FAM228B: variants seen among roughly 807,000 people sequenced by gnomAD.
FAM228B encodes the protein family with sequence similarity 228 member B.
Under a neutral mutation model 42.6 loss-of-function variants are expected in FAM228B, and 38 were observed. That is an observed-to-expected ratio of 0.89 (90% CI 0.69 to 1.17). The LOEUF is 1.17. FAM228B is among the 50% of genes most tolerant of loss of function. The pLI, the probability that FAM228B is intolerant of heterozygous loss-of-function variation, is 0.00. For synonymous variants in FAM228B, 109 were observed against 122.3 expected, an observed-to-expected ratio of 0.89 and a Z score of 0.72; for missense variants, 344 against 367.3, an observed-to-expected ratio of 0.94 and a Z score of 0.52.
intron 3 of FAM228B, among the ~76,000 whole-genome samples, chr2:24,117,014 ATTTTTT>A (rs58867611): frequency 1.1e-4 from 15 of 131,928 alleles, no homozygotes; most frequent in African/African-American, 4.2e-4. Flanking sequence ...ACAATCCTGC[ATTTTTT>A]TTTTTTTTTT....
At chr2:24,117,085 G>A (rs1380927727) in intron 3 of FAM228B, among the ~76,000 whole-genome samples, 1 of 145,010 alleles carries the variant, frequency 6.9e-6, no homozygotes, top group Admixed American at 7.1e-5. Context: ...GCACGATCTC[G>A]GCTCACCGCA....
chr2:24,140,570 TA>T (rs1666719139), intron 5 of FAM228B, among the ~76,000 whole-genome samples: 3 of 152,228 alleles, frequency 2.0e-5, no homozygotes, highest in Non-Finnish European at 4.4e-5. Flanking sequence ...CAGTTTTTTC[TA>T]AGTAAGAAAC....
At chr2:24,115,699 A>C in intron 3 of FAM228B, 1 of 1,437,422 alleles carries the variant, frequency 7.0e-7, no homozygotes, top group Non-Finnish European at 9.7e-7. Context: ...TTCCACAAAC[A>C]TTGCCAGGTG....
rs1173571067 is a variant in FAM228B, at chr2:24,169,522, C to G, written c.*181C>G. ...AAAAAAAAGCATCTGCAACGAACTT[C>G]CTTTAATTTTTGAGTTCAGTGTCTG... On this transcript the variant is annotated 3_prime_UTR_variant, in exon 11 of 11. Transcript: ENST00000615575. This position sits in a 1 kb window ranked among gnomAD's most constrained non-coding sequence, Gnocchi z 4.2. The G allele has an allele frequency of 3.4e-6, 1 of 295,944 alleles. No individual in the cohort carries two copies. Among genetic ancestry groups the G allele is most frequent in the Non-Finnish European group, 7.8e-6 (1 of 127,712 alleles). 18.3% of individuals were successfully genotyped at this position (295,944 alleles called of 1,614,324 possible).
At chr2:24,083,743 C>T (rs1665121557) in intron 2 of FAM228B, among the ~76,000 whole-genome samples, 1 of 152,200 alleles carries the variant, frequency 6.6e-6, no homozygotes, top group African/African-American at 2.4e-5. Flanking sequence ...AGCTCCGGGA[C>T]TCTCAGAGTG....
intron 2 of FAM228B, among the ~76,000 whole-genome samples, chr2:24,131,755 T>C (rs1558384447): frequency 6.6e-6 from 1 of 152,226 alleles, no homozygotes; most frequent in Non-Finnish European, 1.5e-5. Context: ...TTTCTAAATA[T>C]AGAATCATGT....
At chr2:24,109,472 G>A (rs1428231341) in intron 3 of FAM228B, among the ~76,000 whole-genome samples, 1 of 152,168 alleles carries the variant, frequency 6.6e-6, no homozygotes, top group Non-Finnish European at 1.5e-5. Context: ...AAGAGCTTCT[G>A]CACAGCAAAA....
chr2:24,122,121 T>C (rs755165552), upstream of FAM228B, among the ~76,000 whole-genome samples: 2 of 152,020 alleles, frequency 1.3e-5, no homozygotes, highest in African/African-American at 2.4e-5. Flanking sequence ...CACCTGAGGT[T>C]AGGAGTTTGA....
Position 24,147,059 on chromosome 2 carries a change from T to C in FAM228B, c.659T>C (p.Ile220Thr), listed in dbSNP as rs1666912956. The change falls in exon 7 of 11, where the codon ATA becomes ACA. Residue 220 changes from isoleucine to threonine, a missense_variant. Physicochemically the swap from Ile to Thr is moderately conservative, Grantham distance 89 (BLOSUM62 -1). Transcript: ENST00000615575. ...NEWLKLPTRYIESEFCRRRRL... is the reference protein window; with the variant it reads ...NEWLKLPTRYTESEFCRRRRL... ...TGGCTGAAACTGCCTACAAGATACA[T>C]AGAAAGTGAATTTTGTAGAAGGAGA... is the stretch of plus-strand genomic sequence containing the variant. 1 of 1,550,852 alleles carries C rather than the reference T, an allele frequency of 6.4e-7. No individual in the cohort carries two copies. Among genetic ancestry groups the C allele is most frequent in the Non-Finnish European group, 8.7e-7 (1 of 1,146,514 alleles).
At chr2:24,107,629 T>A (rs1384645569) in intron 3 of FAM228B, among the ~76,000 whole-genome samples, 1 of 152,118 alleles carries the variant, frequency 6.6e-6, no homozygotes, top group African/African-American at 2.4e-5. Context: ...AGAAAATCAT[T>A]GAAATCACAC....
intron 1 of FAM228B, among the ~76,000 whole-genome samples, chr2:24,078,532 G>A (rs1242265940): frequency 6.6e-6 from 1 of 151,410 alleles, no homozygotes; most frequent in Non-Finnish European, 1.5e-5. Context: ...TCAATCTGCT[G>A]GTATCAATTT....
At chr2:24,089,422 A>G (rs1375306153) in intron 2 of FAM228B, among the ~76,000 whole-genome samples, 4 of 151,188 alleles carry the variant, frequency 2.6e-5, no homozygotes, top group South Asian at 4.2e-4. Flanking sequence ...TAAAATCTAG[A>G]AAAAAAAAGG....
intron 7 of FAM228B, among the ~76,000 whole-genome samples, chr2:24,160,752 A>G (rs1386327770): frequency 6.6e-6 from 1 of 152,188 alleles, no homozygotes; most frequent in African/African-American, 2.4e-5. Context: ...CGCAGGGCCA[A>G]TATCACCCTT....
At chr2:24,155,315 G>A (rs1216749900) in intron 7 of FAM228B, among the ~76,000 whole-genome samples, 1 of 151,322 alleles carries the variant, frequency 6.6e-6, no homozygotes, top group African/African-American at 2.4e-5. Context: ...AATGACTGGT[G>A]GTCATTAATG....
At chr2:24,134,975 A>G (rs999636456) in intron 2 of FAM228B, 144 bp from the exon 3 acceptor site, 1 of 598,124 alleles carries the variant, frequency 1.7e-6, no homozygotes, top group Non-Finnish European at 3.0e-6. Flanking sequence ...AAAAAAAAGC[A>G]CTCGATGATA....
At chr2:24,117,349 CT>C (rs1316179086) in intron 3 of FAM228B, among the ~76,000 whole-genome samples, 1 of 151,986 alleles carries the variant, frequency 6.6e-6, no homozygotes, top group African/African-American at 2.4e-5. Flanking sequence ...GCATAGCATC[CT>C]TTTCCTGTCT....
At chr2:24,166,285 C>T (rs992018146) in intron 9 of FAM228B, among the ~76,000 whole-genome samples, 1 of 151,824 alleles carries the variant, frequency 6.6e-6, no homozygotes, top group East Asian at 1.9e-4. Context: ...TGGCCTTCCT[C>T]CCCACTCCCA....
intron 4 of FAM228B, among the ~76,000 whole-genome samples, chr2:24,138,905 C>T (rs1666671209): frequency 1.3e-5 from 2 of 150,648 alleles, no homozygotes; most frequent in African/African-American, 4.9e-5. Context: ...GAGATCACAC[C>T]TCTGTACTCC....
intron 7 of FAM228B, among the ~76,000 whole-genome samples, chr2:24,155,529 ATATTTT>A (rs1667119278): frequency 4.0e-4 from 5 of 12,654 alleles, no homozygotes; most frequent in South Asian, 3.4e-3. Context: ...ATATATATAT[ATATTTT>A]TTTTTTTTTT....
Sources: gnomAD v4.1 joint callset for allele counts (sites outside exome capture counted in the v4.1 genomes callset) on GRCh38, gnomAD v4.1.1 for gene constraint, Gnocchi (gnomAD v3.1) non-coding constraint, MANE v1.5 for transcripts, NCBI Gene and HGNC (gene_info 2026-07-23, HGNC 2026-07-21) for gene names.